Variants in SEPTIN4 observed in about 807,000 individuals in gnomAD.
SEPTIN4 encodes septin-4.
SEPTIN4 carries 52 observed loss-of-function variants against 107.1 expected under a neutral mutation model. The observed-to-expected ratio is 0.49, with a 90% CI of 0.39 to 0.61. SEPTIN4 has a LOEUF of 0.61. Ranked by LOEUF, SEPTIN4 falls within the 20% of genes least tolerant of loss-of-function variation. The pLI is 0.00. For synonymous variants in SEPTIN4, 417 were observed against 467.0 expected, an observed-to-expected ratio of 0.89 and a Z score of 1.38; for missense variants, 1,048 against 1,243.5, an observed-to-expected ratio of 0.84 and a Z score of 2.36.
At chr17:58,526,612 A>ACACACACACACACACT (rs1202570216) in intron 4 of SEPTIN4, 70 bp downstream of exon 4, 1 of 1,501,612 alleles carries the variant, frequency 6.7e-7, no homozygotes, top group African/African-American at 1.4e-5. Flanking sequence ...ACACACACAC[A>ACACACACACACACACT]CTCTGCTCCC....
In SEPTIN4 at chr17:58,543,187, T is replaced by A. The variant is rs1464040761; in HGVS notation, c.1000A>T (p.Arg334Trp). The A allele has an allele frequency of 6.2e-7, 1 of 1,614,142 alleles. No homozygotes were observed. The highest frequency in any genetic ancestry group is 1.1e-5 in the South Asian group (1 of 91,082). Reference sequence around the variant, plus strand: ...TGTACCCCTGGGGAGATGGTGACCCTGCGGCCAACCTCGCTGTTTCCTCGG... The same window carrying A: ...TGTACCCCTGGGGAGATGGTGACCCAGCGGCCAACCTCGCTGTTTCCTCGG... ...PIRGNSEVGR[R>W]VTISPGVQSV... Residue 334 changes from arginine to tryptophan, a missense_variant, in exon 1 of 14, where the codon AGG becomes TGG. By Grantham distance (101) the Arg-to-Trp change is moderately radical. Transcript: ENST00000672673.
chr17:58,520,492 T>C lies in SEPTIN4; in HGVS notation c.2932-7A>G, dbSNP rs2042141619. 1 of 1,613,548 alleles carries C rather than the reference T, an allele frequency of 6.2e-7. No individual in the cohort carries two copies. Among genetic ancestry groups the C allele is most frequent in the Non-Finnish European group, 8.5e-7 (1 of 1,179,954 alleles). On this transcript the variant is annotated splice_polypyrimidine_tract_variant and splice_region_variant and intron_variant, in intron 13 of 13. Coordinates refer to ENST00000672673, the MANE Select transcript of SEPTIN4 (RefSeq NM_001368771.2). ...TCTCCTGCATCCGCCGCAGCTGGAA[T>C]AGGCACAGGCATCAAAATGGGGACT...
intron 2 of SEPTIN4, 84 bp downstream of exon 2, chr17:58,541,838 T>C: frequency 6.2e-7 from 1 of 1,614,146 alleles, no homozygotes; most frequent in Non-Finnish European, 8.5e-7. Flanking sequence ...GACCCAGCTC[T>C]GTAGATACAT....
At chr17:58,539,331 G>A (rs2043816115) in intron 3 of SEPTIN4, 4 of 572,166 alleles carry the variant, frequency 7.0e-6, no homozygotes, top group Non-Finnish European at 1.2e-5. Context: ...GGGAGAACAG[G>A]GAGGAGCCTG....
chr17:58,535,367 C>T (rs1418150481), intron 3 of SEPTIN4, among the ~76,000 whole-genome samples: 2 of 152,174 alleles, frequency 1.3e-5, no homozygotes, highest in East Asian at 3.9e-4. Context: ...CAACACCCTC[C>T]GTGAACAGGG....
chr17:58,543,966 T>C lies in SEPTIN4; in HGVS notation c.221A>G (p.Gln74Arg). 6.2e-7 allele frequency: 1 copy of C among 1,613,938 alleles called. No individual in the cohort carries two copies. The highest frequency in any genetic ancestry group is 2.2e-5 in the East Asian group (1 of 44,870). The change falls in exon 1 of 14, where the codon CAG (glutamine) becomes CGG (arginine). Residue 74 changes from glutamine to arginine, a missense_variant. By Grantham distance (43) the Gln-to-Arg change is conservative (BLOSUM62 1). This residue lies in a region of SEPTIN4 where 787 missense variants were observed against 871.8 expected (regional missense o/e 0.90). Transcript: ENST00000672673. ...TACTGCATAGTGTCCAGGTCCTGACTGGAGGGAGACAGATCGAGGGTAGTC... is the reference window on the plus strand; with the variant it reads ...TACTGCATAGTGTCCAGGTCCTGACCGGAGGGAGACAGATCGAGGGTAGTC... ...ASDYPRSVSLQSGPGHYAVPT... is the reference protein window; with the variant it reads ...ASDYPRSVSLRSGPGHYAVPT...
At chr17:58,525,620 G>C in intron 6 of SEPTIN4, 75 bp downstream of exon 6, 1 of 1,337,740 alleles carries the variant, frequency 7.5e-7, no homozygotes, top group Non-Finnish European at 1.1e-6. Flanking sequence ...GTGGGGGAGA[G>C]CCCCATCCCC....
chr17:58,533,935 C>T (rs1222188494), intron 3 of SEPTIN4, among the ~76,000 whole-genome samples: 2 of 152,182 alleles, frequency 1.3e-5, no homozygotes, highest in African/African-American at 2.4e-5. Flanking sequence ...CCTTGTTTTC[C>T]TCTATTATAA....
Position 58,521,628 on chromosome 17 carries a change from G to A in SEPTIN4, c.2488C>T (p.His830Tyr), listed in dbSNP as rs754524292. The A allele has an allele frequency of 2.4e-5, 39 of 1,614,190 alleles. 1 individual carries two copies. In the South Asian group the frequency reaches 4.3e-4, roughly 18 times the overall value. ...AATTGATAGATCTTGATTCCAAAAT[G>A]CTCAATCTCCTCCCGGATCTGACAA... ...KKRKIREEIE[H>Y]FGIKIYQFPD... Residue 830 changes from histidine (H) to tyrosine (Y), a missense_variant, in exon 10 of 14, where the codon CAT becomes TAT. Coordinates refer to ENST00000672673, the MANE Select transcript of SEPTIN4 (RefSeq NM_001368771.2). The surrounding 1 kb of genome is among the most constrained non-coding windows in gnomAD (Gnocchi z 6.4).
intron 2 of SEPTIN4, 95 bp from the exon 3 acceptor site, chr17:58,540,768 G>T: frequency 8.0e-7 from 1 of 1,257,726 alleles, no homozygotes; most frequent in Non-Finnish European, 1.0e-6. Flanking sequence ...ATTTACTAAA[G>T]ATGCCCAGTG....
In SEPTIN4 at chr17:58,525,210, A is replaced by G. The variant is rs377632716; in HGVS notation, c.2093-9T>C. 1.3e-5 allele frequency: 21 copies of G among 1,613,302 alleles called. No homozygotes were observed. The highest frequency in any genetic ancestry group is 1.7e-5 in the Non-Finnish European group (20 of 1,179,944). ...AGTTTGCATGATCCTCTCTGGAGAA[A>G]GGGGAAACTGAGGCCAGGGCAAGGG... On this transcript the variant is annotated splice_polypyrimidine_tract_variant and intron_variant, in intron 6 of 13. Transcript: ENST00000672673.
In SEPTIN4 at chr17:58,543,571, G is replaced by A; in HGVS notation, c.616C>T (p.Pro206Ser). 2 of 1,614,188 alleles carry A rather than the reference G, an allele frequency of 1.2e-6. No homozygotes were observed. The highest frequency in any genetic ancestry group is 1.7e-6 in the Non-Finnish European group (2 of 1,180,038). ...YPKDEAVQTE[P>S]IQRITTTSEI... The stretch of plus-strand genomic sequence containing the variant: ...CTAGTAGTCGTAATTCTTTGGATGG[G>A]CTCAGTTTGTACTGCTTCATCCTTT... Residue 206 changes from proline to serine, a missense_variant, in exon 1 of 14, where the codon CCC (proline) becomes TCC (serine). Pro to Ser is a moderately conservative substitution (Grantham distance 74, BLOSUM62 -1). Transcript: ENST00000672673.
At chr17:58,525,355 C>T in intron 6 of SEPTIN4, 154 bp from the exon 7 acceptor site, 2 of 896,370 alleles carry the variant, frequency 2.2e-6, no homozygotes, top group Non-Finnish European at 3.4e-6. Flanking sequence ...TCTCTGGGAA[C>T]CAGCAAGGAG....
intron 7 of SEPTIN4, among the ~76,000 whole-genome samples, chr17:58,523,911 A>G (rs904839074): frequency 1.3e-5 from 2 of 152,076 alleles, no homozygotes; most frequent in African/African-American, 4.8e-5. Context: ...GGTATATTTT[A>G]ATTAAATAAG....
In SEPTIN4 at chr17:58,525,078, C is replaced by T; in HGVS notation, c.2216G>A (p.Cys739Tyr). The T allele has an allele frequency of 6.2e-7, 1 of 1,614,114 alleles. No homozygotes were observed. Among genetic ancestry groups the T allele is most frequent in the Non-Finnish European group, 8.5e-7 (1 of 1,179,998 alleles). ...TGGGATTGTGCTTACTCAGACATACCACTCTGTGTTGTTGACTGCATCCCC... is the reference window on the plus strand; with the variant it reads ...TGGGATTGTGCTTACTCAGACATACTACTCTGTGTTGTTGACTGCATCCCC... ...GFGDAVNNTE[C>Y]WKPVAEYIDQ... Residue 739 changes from cysteine to tyrosine, a missense_variant and splice_region_variant, in exon 7 of 14, where the codon TGC becomes TAC. This residue lies in a region of SEPTIN4 where 261 missense variants were observed against 371.7 expected (regional missense o/e 0.70). Coordinates refer to ENST00000672673, the MANE Select transcript of SEPTIN4 (RefSeq NM_001368771.2).
intron 3 of SEPTIN4, among the ~76,000 whole-genome samples, chr17:58,536,597 T>C (rs2043720452): frequency 6.6e-6 from 1 of 152,192 alleles, no homozygotes; most frequent in East Asian, 1.9e-4. Flanking sequence ...TGGAACTAGA[T>C]GACTTTGCCG....
chr17:58,524,971 A>T, intron 7 of SEPTIN4, 107 bp downstream of exon 7: 1 of 1,480,228 alleles, frequency 6.8e-7, no homozygotes, highest in Non-Finnish European at 9.3e-7. Context: ...TCAAGGTCAT[A>T]GACCGCTTCC....
intron 5 of SEPTIN4, 40 bp downstream of exon 5, chr17:58,526,180 G>A: frequency 6.5e-7 from 1 of 1,535,552 alleles, no homozygotes; most frequent in Non-Finnish European, 8.8e-7. Context: ...ATCCCCACCT[G>A]AAACACACCC....
chr17:58,525,058 T>C lies in SEPTIN4; in HGVS notation c.2216+20A>G. 1 of 1,614,060 alleles carries C rather than the reference T, an allele frequency of 6.2e-7. No homozygotes were observed. Among genetic ancestry groups the C allele is most frequent in the Non-Finnish European group, 8.5e-7 (1 of 1,179,938 alleles). On this transcript the variant is annotated intron_variant, in intron 7 of 13. Coordinates refer to ENST00000672673, the MANE Select transcript of SEPTIN4 (RefSeq NM_001368771.2). ...AAGGGTGGCTCAGGGGCAGCTGGGA[T>C]TGTGCTTACTCAGACATACCACTCT...
Sources: allele counts gnomAD v4.1 joint callset (sites outside exome capture counted in the v4.1 genomes callset), GRCh38; gene constraint gnomAD v4.1.1; regional missense constraint gnomAD v4.1.1; non-coding constraint Gnocchi (gnomAD v3.1); transcripts MANE v1.5; gene names NCBI Gene and HGNC (gene_info 2026-07-23, HGNC 2026-07-21).